The following AGAP1 variants were observed in gnomAD, a reference collection of about 807,000 sequenced individuals.
AGAP1 encodes the protein ArfGAP with GTPase domain, ankyrin repeat and PH domain 1.
Under a neutral mutation model 105.3 loss-of-function variants are expected in AGAP1, and 29 were observed. That is an observed-to-expected ratio of 0.28 (90% CI 0.21 to 0.38). The LOEUF is 0.38. AGAP1 is among the 10% of genes least tolerant of loss of function. AGAP1 has a pLI of 1.00. For missense variants in AGAP1, 998 were observed against 1,165.1 expected (o/e 0.86, Z 2.09); for synonymous variants, 509 against 485.9 (o/e 1.05, Z -0.63).
In AGAP1 at chr2:235,667,959, CAAAAAAAAAAAAAAA is replaced by C. The variant is rs142657060; in HGVS notation, c.164-41209_164-41195del. 1.1e-4 allele frequency among the ~76,000 whole-genome samples: 7 copies of C among 61,960 alleles called. 1 individual carries two copies. The highest frequency in any genetic ancestry group is 4.0e-4 in the African/African-American group (6 of 14,912). 40.6% of individuals were successfully genotyped at this position (61,960 alleles called of 152,430 possible). On this transcript the variant is annotated intron_variant, in intron 1 of 17. Coordinates refer to ENST00000304032, the MANE Select transcript of AGAP1 (RefSeq NM_001037131.3). ...GGCAAGAGCGAGTGAGCCTCTGTCT[CAAAAAAAAAAAAAAA>C]AAAAAAAAAAGTCTTCTTTATTGAA...
intron 9 of AGAP1, among the ~76,000 whole-genome samples, chr2:235,815,250 G>A (rs1486835208): frequency 3.3e-5 from 5 of 152,162 alleles, no homozygotes; most frequent in African/African-American, 7.2e-5. Context: ...TTGATCTCTC[G>A]GTTCTAGAGG....
chr2:235,729,304 G>C lies in AGAP1; in HGVS notation c.311-11659G>C, dbSNP rs1951816764. On this transcript the variant is annotated intron_variant, in intron 3 of 17. Coordinates refer to ENST00000304032, the MANE Select transcript of AGAP1 (RefSeq NM_001037131.3). This position sits in a 1 kb window ranked among gnomAD's most constrained non-coding sequence, Gnocchi z 5.0. The stretch of plus-strand genomic sequence containing the variant: ...GTGTGTTTGGGCCGTCTAGAACCAT[G>C]TGACCTGGCAGCCACTTCAACTTGG... Among the ~76,000 whole-genome samples, 1 of 152,152 alleles carries C rather than the reference G, an allele frequency of 6.6e-6. No homozygotes were observed. Among genetic ancestry groups the C allele is most frequent in the African/African-American group, 2.4e-5 (1 of 41,402 alleles).
At chr2:236,034,465 T>G (rs2057319898) in intron 13 of AGAP1, among the ~76,000 whole-genome samples, 1 of 151,686 alleles carries the variant, frequency 6.6e-6, no homozygotes, top group African/African-American at 2.4e-5. Flanking sequence ...GGGGGTGGGG[T>G]GGTCATTTGT....
rs113643344 is a variant in AGAP1 at position 235,827,018 on chromosome 2, T to C, written c.1050+19687T>C. On this transcript the variant is annotated intron_variant, in intron 9 of 17. Coordinates refer to ENST00000304032, the MANE Select transcript of AGAP1 (RefSeq NM_001037131.3). ...AATTCAGTACCAGATCCATGGCTCA[T>C]CCTAAGCAGGGCAAGGAGGAGGGGA... Among the ~76,000 whole-genome samples, 874 of 152,236 alleles carry C rather than the reference T, an allele frequency of 5.7e-3. 6 individuals carry two copies. Among genetic ancestry groups the C allele is most frequent in the African/African-American group, 0.019 (782 of 41,512 alleles).
At chr2:236,064,737 C>T (rs1043558831) in intron 16 of AGAP1, among the ~76,000 whole-genome samples, 2 of 152,194 alleles carry the variant, frequency 1.3e-5, no homozygotes, top group Non-Finnish European at 2.9e-5. Flanking sequence ...TTAAACAGCA[C>T]GTGAAAAGAC....
intron 9 of AGAP1, among the ~76,000 whole-genome samples, chr2:235,844,099 CT>C (rs1381517777): frequency 1.3e-5 from 2 of 152,230 alleles, no homozygotes; most frequent in Non-Finnish European, 2.9e-5. Flanking sequence ...GTCTTTCCTG[CT>C]GAAAGCCTTC....
In AGAP1 at chr2:235,958,503, G is replaced by A. The variant is rs529611820; in HGVS notation, c.1484-9959G>A. 4.0e-4 allele frequency among the ~76,000 whole-genome samples: 61 copies of A among 152,136 alleles called. No homozygotes were observed. Among genetic ancestry groups the A allele is most frequent in the African/African-American group, 1.4e-3 (59 of 41,520 alleles). ...AGACTCATCTCTTGAATATCACCCGGGATATCAAAAACCTATCAGCACACC... is the reference window on the plus strand; with the variant it reads ...AGACTCATCTCTTGAATATCACCCGAGATATCAAAAACCTATCAGCACACC... On this transcript the variant is annotated intron_variant, in intron 12 of 17. Transcript: ENST00000304032. The surrounding 1 kb of genome is among the most constrained non-coding windows in gnomAD (Gnocchi z 4.1).
At chr2:235,603,220 C>G (rs11688066) in intron 1 of AGAP1, among the ~76,000 whole-genome samples, 2 of 151,524 alleles carry the variant, frequency 1.3e-5, no homozygotes, top group African/African-American at 4.9e-5. Context: ...CGGCTCTCGT[C>G]TCTCTCTTGC....
In AGAP1 at chr2:235,919,681, G is replaced by A. The variant is rs2052075513; in HGVS notation, c.1324+10775G>A. On this transcript the variant is annotated intron_variant, in intron 11 of 17. Transcript: ENST00000304032. The surrounding 1 kb of genome is among the most constrained non-coding windows in gnomAD (Gnocchi z 4.1). Reference sequence around the variant, plus strand: ...GGAACGCTCCCCTCAAAACAGTGTTGTCAAATGAAAATGAATTTCATGTTA... The same window carrying A: ...GGAACGCTCCCCTCAAAACAGTGTTATCAAATGAAAATGAATTTCATGTTA... Among the ~76,000 whole-genome samples the A allele has an allele frequency of 6.6e-6, 1 of 152,112 alleles. No homozygotes were observed. Among genetic ancestry groups the A allele is most frequent in the South Asian group, 2.1e-4 (1 of 4,820 alleles).
intron 9 of AGAP1, among the ~76,000 whole-genome samples, chr2:235,856,511 C>G (rs2048691501): frequency 6.6e-6 from 1 of 152,230 alleles, no homozygotes; most frequent in African/African-American, 2.4e-5. Context: ...AGGTTCCTGT[C>G]CTTTCCACAT....
chr2:235,957,580 C>T lies in AGAP1; in HGVS notation c.1484-10882C>T, dbSNP rs1049089078. Reference sequence around the variant, plus strand: ...TCAACCTCCTCCCGCTGAAAGCTCCCGTCAAAAGGACTATGCGAAGGGGTG... The same window carrying T: ...TCAACCTCCTCCCGCTGAAAGCTCCTGTCAAAAGGACTATGCGAAGGGGTG... On this transcript the variant is annotated intron_variant, in intron 12 of 17. Coordinates refer to ENST00000304032, the MANE Select transcript of AGAP1 (RefSeq NM_001037131.3). The surrounding 1 kb of genome is among the most constrained non-coding windows in gnomAD (Gnocchi z 4.6). 9.2e-5 allele frequency among the ~76,000 whole-genome samples: 14 copies of T among 152,116 alleles called. No individual in the cohort carries two copies. Among genetic ancestry groups the T allele is most frequent in the African/African-American group, 2.9e-4 (12 of 41,420 alleles).
intron 9 of AGAP1, among the ~76,000 whole-genome samples, chr2:235,811,745 C>T (rs983759948): frequency 1.3e-5 from 2 of 152,230 alleles, no homozygotes; most frequent in African/African-American, 4.8e-5. Flanking sequence ...CGGCCCGGCC[C>T]AGCTCTGGCC....
intron 12 of AGAP1, among the ~76,000 whole-genome samples, chr2:235,940,633 G>A (rs1289446010): frequency 6.6e-6 from 1 of 152,218 alleles, no homozygotes; most frequent in Non-Finnish European, 1.5e-5. Flanking sequence ...GTTTTTCTCA[G>A]CATGTATTGT....
intron 1 of AGAP1, among the ~76,000 whole-genome samples, chr2:235,695,226 AGTCAGT>A (rs1949940579): frequency 1.3e-5 from 2 of 152,290 alleles, no homozygotes; most frequent in South Asian, 4.1e-4. Flanking sequence ...GATGTGGATG[AGTCAGT>A]TCACTCCATA....
chr2:235,831,380 T>C (rs1430542270), intron 9 of AGAP1, among the ~76,000 whole-genome samples: 1 of 152,080 alleles, frequency 6.6e-6, no homozygotes, highest in African/African-American at 2.4e-5. Flanking sequence ...GTTCTGTGAA[T>C]CTGGACAAAT....
Position 235,612,366 on chromosome 2 carries a change from G to C in AGAP1, c.164-96813G>C, listed in dbSNP as rs1946156218. Reference sequence around the variant, plus strand: ...CCCCTTGGTTGCATTTAATGTGTGTGCATAATCAGAGGGCAAGGACAGCAG... The same window carrying C: ...CCCCTTGGTTGCATTTAATGTGTGTCCATAATCAGAGGGCAAGGACAGCAG... On this transcript the variant is annotated intron_variant, in intron 1 of 17. Transcript: ENST00000304032. This position sits in a 1 kb window ranked among gnomAD's most constrained non-coding sequence, Gnocchi z 4.3. 6.6e-6 allele frequency among the ~76,000 whole-genome samples: 1 copy of C among 152,172 alleles called. No homozygotes were observed. The highest frequency in any genetic ancestry group is 1.5e-5 in the Non-Finnish European group (1 of 68,030).
At chr2:235,767,777 C>CTTTTTT (rs71414307) in intron 6 of AGAP1, among the ~76,000 whole-genome samples, 168 of 62,060 alleles carry the variant, frequency 2.7e-3, no homozygotes, top group African/African-American at 3.0e-3. Flanking sequence ...AGTTTCTTGT[C>CTTTTTT]TTTTTTTTTT....
At chr2:236,112,415 C>CA (rs747720222) in intron 16 of AGAP1, among the ~76,000 whole-genome samples, 12,054 of 146,306 alleles carry the variant, frequency 0.082, 1,591 homozygotes, top group African/African-American at 0.29. Context: ...CATTCCATCT[C>CA]GAAAAAAAAA....
In AGAP1 at chr2:235,631,069, C is replaced by G. The variant is rs1276985468; in HGVS notation, c.164-78110C>G. Among the ~76,000 whole-genome samples, 1 of 152,190 alleles carries G rather than the reference C, an allele frequency of 6.6e-6. No individual in the cohort carries two copies. Among genetic ancestry groups the G allele is most frequent in the Non-Finnish European group, 1.5e-5 (1 of 68,036 alleles). On this transcript the variant is annotated intron_variant, in intron 1 of 17. Coordinates refer to ENST00000304032, the MANE Select transcript of AGAP1 (RefSeq NM_001037131.3). The surrounding 1 kb of genome is among the most constrained non-coding windows in gnomAD (Gnocchi z 5.4). ...AAAATATTTTGACAGGGCCCACAGT[C>G]TAGCTCCTTCATATGCAAATGCACT...
Sources: allele counts gnomAD v4.1 joint callset (sites outside exome capture counted in the v4.1 genomes callset), GRCh38; gene constraint gnomAD v4.1.1; non-coding constraint Gnocchi (gnomAD v3.1); transcripts MANE v1.5; gene names NCBI Gene and HGNC (gene_info 2026-07-23, HGNC 2026-07-21).